The following CCNA1 variants were observed in gnomAD, a reference collection of about 807,000 sequenced individuals.
CCNA1 encodes cyclin-A1.
A neutral mutation model predicts 54.1 loss-of-function variants in CCNA1; 23 were observed. That is an observed-to-expected ratio of 0.42 (90% CI 0.31 to 0.60). CCNA1 has a LOEUF of 0.60. CCNA1 is among the 20% of genes least tolerant of loss of function. The pLI, the probability that CCNA1 is intolerant of heterozygous loss-of-function variation, is 0.14. For synonymous variants in CCNA1, 208 were observed against 213.9 expected, an observed-to-expected ratio of 0.97 and a Z score of 0.24; for missense variants, 450 against 556.7, an observed-to-expected ratio of 0.81 and a Z score of 1.93.
chr13:36,433,423 T>TTTCTTTCTTTCTTTCG (rs2055752455), intron 2 of CCNA1, among the ~76,000 whole-genome samples: 1 of 121,246 alleles, frequency 8.2e-6, no homozygotes, highest in African/African-American at 3.1e-5. Context: ...TCTTTCTTTC[T>TTTCTTTCTTTCTTTCG]TTCTTTCTTT....
In CCNA1 at chr13:36,432,541, C is replaced by G; in HGVS notation, c.-81C>G. ...AGATAACGACGGGAAGAGCGGGGCC[C>G]GCTTTGGGGTCCAGGCAGGTTTTGG... On this transcript the variant is annotated 5_prime_UTR_variant, in exon 1 of 9. Transcript: ENST00000255465. 6.6e-6 allele frequency: 5 copies of G among 762,780 alleles called. No homozygotes were observed. In the South Asian group the frequency reaches 9.0e-5, roughly 14 times the overall value. 47.3% of individuals were successfully genotyped at this position (762,780 alleles called of 1,614,324 possible). A position where few individuals can be genotyped will look rare whatever the true frequency, so the allele number is the denominator to read the frequency against.
At chr13:36,432,950 C>G in intron 1 of CCNA1, 83 bp from the exon 2 acceptor site, 1 of 1,318,688 alleles carries the variant, frequency 7.6e-7, no homozygotes, top group Non-Finnish European at 1.1e-6. Flanking sequence ...TGGTGCTCTC[C>G]CTCCTAGAGG....
chr13:36,434,714 C>T (rs2137814054), intron 2 of CCNA1, among the ~76,000 whole-genome samples: 1 of 151,518 alleles, frequency 6.6e-6, no homozygotes, highest in Admixed American at 6.6e-5. Context: ...ATCTTATTTT[C>T]CTAAAAATAT....
intron 2 of CCNA1, among the ~76,000 whole-genome samples, chr13:36,433,609 C>T (rs1360739521): frequency 6.8e-6 from 1 of 146,766 alleles, no homozygotes; most frequent in Non-Finnish European, 1.5e-5. Context: ...GACGCGATCT[C>T]GGCTCACTGC....
rs1412679854 is a variant in CCNA1, at chr13:36,438,806, T to C, written c.832T>C (p.Cys278Arg). ...CAACTTCCTGGACAGGTTCCTTTCA[T>C]GTATGTCTGTTCTGAGAGGGAAACT... The change falls in exon 5 of 9, where the codon TGT becomes CGT. Residue 278 changes from cysteine to arginine, a missense_variant. By Grantham distance (180) the Cys-to-Arg change is radical. This residue lies in a region of CCNA1 where 150 missense variants were observed against 219.7 expected (regional missense o/e 0.68). Coordinates refer to ENST00000255465, the MANE Select transcript of CCNA1 (RefSeq NM_003914.4). 1.2e-6 allele frequency: 2 copies of C among 1,613,994 alleles called. No homozygotes were observed. The highest frequency in any genetic ancestry group is 1.7e-6 in the Non-Finnish European group (2 of 1,180,006).
chr13:36,441,702 G>T (rs1480297758), intron 7 of CCNA1, among the ~76,000 whole-genome samples: 1 of 152,162 alleles, frequency 6.6e-6, no homozygotes, highest in Non-Finnish European at 1.5e-5. Context: ...GGTTCTGAAG[G>T]CTCACTGTTG....
chr13:36,432,781 C>T (rs1426253072), intron 1 of CCNA1, 52 bp downstream of exon 1: 1 of 1,235,378 alleles, frequency 8.1e-7, no homozygotes, highest in Non-Finnish European at 1.2e-6. Context: ...TGTTTCTCTC[C>T]TTCCAGCCCA....
chr13:36,440,323 G>C (rs1339754289), intron 6 of CCNA1, 140 bp downstream of exon 6: 1 of 745,044 alleles, frequency 1.3e-6, no homozygotes, highest in South Asian at 1.8e-5. Context: ...TGCTGAAAAA[G>C]AGCTAATTTT....
In CCNA1 at chr13:36,438,071, C is replaced by T; in HGVS notation, c.549C>T (p.Ser183=). The change falls in exon 4 of 9, where the codon TCC becomes TCT. Residue 183 remains serine (S), a synonymous_variant. Transcript: ENST00000255465. ...GACAGTGTTGAACTCTTGCAGTTTCCCCTATGCTGGTAGATTCATCTCTCC... is the reference window on the plus strand; with the variant it reads ...GACAGTGTTGAACTCTTGCAGTTTCTCCTATGCTGGTAGATTCATCTCTCC... 6.2e-7 allele frequency: 1 copy of T among 1,613,002 alleles called. No homozygotes were observed. Among genetic ancestry groups the T allele is most frequent in the Non-Finnish European group, 8.5e-7 (1 of 1,179,608 alleles).
intron 2 of CCNA1, 22 bp from the exon 3 acceptor site, chr13:36,437,606 CA>C (rs1358097930): frequency 6.2e-7 from 1 of 1,610,940 alleles, no homozygotes. Flanking sequence ...TGGCCTCTAA[CA>C]AAAGATTTAA....
Position 36,440,064 on chromosome 13 carries a change from A to G in CCNA1, c.979A>G (p.Met327Val). ...ATACACAAAACGACAACTGTTAAAA[A>G]TGGAACACTTGCTTCTGAAAGTTCT... Residue 327 changes from methionine to valine, a missense_variant, in exon 6 of 9, where the codon ATG (methionine) becomes GTG (valine). Coordinates refer to ENST00000255465, the MANE Select transcript of CCNA1 (RefSeq NM_003914.4). 1.2e-6 allele frequency: 2 copies of G among 1,613,910 alleles called. No homozygotes were observed. The highest frequency in any genetic ancestry group is 1.7e-6 in the Non-Finnish European group (2 of 1,179,774).
In CCNA1 at chr13:36,438,648, G is replaced by A. The variant is rs143960265; in HGVS notation, c.674G>A (p.Arg225Lys). 3.1e-6 allele frequency: 5 copies of A among 1,612,974 alleles called. No individual in the cohort carries two copies. The highest frequency in any genetic ancestry group is 1.7e-6 in the Non-Finnish European group (2 of 1,179,414). The change falls in exon 5 of 9, where the codon AGG (arginine) becomes AAG (lysine). Residue 225 changes from arginine (R) to lysine (K), a missense_variant. By Grantham distance (26) the Arg-to-Lys change is conservative. Around this residue, in one of 6 missense-constraint regions of CCNA1, gnomAD observed 150 missense variants for 219.7 expected, o/e 0.68. Coordinates refer to ENST00000255465, the MANE Select transcript of CCNA1 (RefSeq NM_003914.4). ...TCAAAACCTTTTCCCAATCAGATAA[G>A]GCACAGACCCAAAGCACACTACATG...
At position 36,438,177 on chromosome 13, in the gene CCNA1, C is replaced by A; in HGVS notation, c.655C>A (p.Leu219Ile). The stretch of plus-strand genomic sequence containing the variant: ...ATATGCTGAAGAAATTTATCAGTAC[C>A]TTAGGGAAGCTGAAGTAAGTTTTCC... The change falls in exon 4 of 9, where the codon CTT (leucine) becomes ATT (isoleucine). Residue 219 changes from leucine to isoleucine, a missense_variant. Leu to Ile is a conservative substitution (Grantham distance 5, BLOSUM62 2). Transcript: ENST00000255465. The A allele has an allele frequency of 6.2e-7, 1 of 1,611,324 alleles. No homozygotes were observed. The highest frequency in any genetic ancestry group is 1.1e-5 in the South Asian group (1 of 90,380).
In CCNA1 at chr13:36,433,423, T is replaced by TTTCGTTCG. The variant is rs1464691967; in HGVS notation, c.297+205_297+206insGTTCGTTC. On this transcript the variant is annotated intron_variant, in intron 2 of 8. Coordinates refer to ENST00000255465, the MANE Select transcript of CCNA1 (RefSeq NM_003914.4). ...CTTTCTTTCTTTCTTTCTTTCTTTC[T>TTTCGTTCG]TTCTTTCTTTCTTTCTTTCGTTCTT... Among the ~76,000 whole-genome samples, 154 of 121,332 alleles carry TTTCGTTCG rather than the reference T, an allele frequency of 1.3e-3. 6 individuals carry two copies. The highest frequency in any genetic ancestry group is 0.012 in the Middle Eastern group (3 of 252). 79.6% of individuals were successfully genotyped at this position (121,332 alleles called of 152,430 possible). A position where few individuals can be genotyped will look rare whatever the true frequency, so the allele number is the denominator to read the frequency against.
At chr13:36,433,411 T>TTTCGTTCGTTCG (rs1205053638) in intron 2 of CCNA1, among the ~76,000 whole-genome samples, 190 bp downstream of exon 2, 4 of 115,984 alleles carry the variant, frequency 3.4e-5, no homozygotes, top group African/African-American at 1.5e-4. Flanking sequence ...TCTTTCTTTC[T>TTTCGTTCGTTCG]TTCTTTCTTT....
At chr13:36,433,004 C>T in intron 1 of CCNA1, 29 bp from the exon 2 acceptor site, 1 of 1,599,036 alleles carries the variant, frequency 6.3e-7, no homozygotes, top group Non-Finnish European at 8.5e-7. Flanking sequence ...ATCGACTAAA[C>T]AGCTTGTCTG....
rs1468436088 is a variant in CCNA1, at chr13:36,432,736, T to C, written c.108+7T>C. ...CCCAGATTTCGTCTTCCAGGTAACGTGGGTTTAGTATCCCGACTTGGAGGC... is the reference window on the plus strand; with the variant it reads ...CCCAGATTTCGTCTTCCAGGTAACGCGGGTTTAGTATCCCGACTTGGAGGC... On this transcript the variant is annotated splice_region_variant and intron_variant, in intron 1 of 8. Coordinates refer to ENST00000255465, the MANE Select transcript of CCNA1 (RefSeq NM_003914.4). 1.2e-5 allele frequency: 19 copies of C among 1,566,102 alleles called. No homozygotes were observed. The highest frequency in any genetic ancestry group is 1.6e-5 in the Non-Finnish European group (18 of 1,137,720).
intron 2 of CCNA1, among the ~76,000 whole-genome samples, chr13:36,435,660 A>G (rs1056405166): frequency 1.3e-5 from 2 of 152,032 alleles, no homozygotes; most frequent in African/African-American, 2.4e-5. Flanking sequence ...TAAATCTTGC[A>G]CTCACTCCCT....
intron 2 of CCNA1, 34 bp downstream of exon 2, chr13:36,433,255 T>G: frequency 6.4e-7 from 1 of 1,557,242 alleles, no homozygotes; most frequent in East Asian, 2.3e-5. Context: ...ATGATGCTTG[T>G]GGAGAACAGC....
Sources: allele counts gnomAD v4.1 joint callset (sites outside exome capture counted in the v4.1 genomes callset), GRCh38; gene constraint gnomAD v4.1.1; regional missense constraint gnomAD v4.1.1; transcripts MANE v1.5; gene names NCBI Gene and HGNC (gene_info 2026-07-23, HGNC 2026-07-21).